BMPER: variants seen among roughly 807,000 people sequenced by gnomAD.
BMPER encodes BMP binding endothelial regulator, also known as BMP-binding endothelial regulator protein.
A neutral mutation model predicts 87.3 loss-of-function variants in BMPER; 45 were observed. That is an observed-to-expected ratio of 0.52 (90% CI 0.41 to 0.66). The LOEUF (loss-of-function observed/expected upper bound fraction) is 0.66. BMPER is among the 30% of genes least tolerant of loss of function. The pLI, the probability that BMPER is intolerant of heterozygous loss-of-function variation, is 0.00. For missense variants in BMPER, 784 were observed against 867.5 expected (o/e 0.90, Z 1.21); for synonymous variants, 326 against 316.2 (o/e 1.03, Z -0.33).
intron 11 of BMPER, among the ~76,000 whole-genome samples, chr7:34,062,428 C>G (rs1479973135): frequency 6.6e-6 from 1 of 152,136 alleles, no homozygotes; most frequent in Non-Finnish European, 1.5e-5. Flanking sequence ...TTCCTTCTCC[C>G]ATTATAAAGC....
chr7:34,113,106 A>G (rs1327501839), intron 13 of BMPER, among the ~76,000 whole-genome samples: 4 of 151,876 alleles, frequency 2.6e-5, no homozygotes, highest in African/African-American at 9.7e-5. Flanking sequence ...CTGCCAACAC[A>G]TTTTCATTAA....
chr7:33,957,689 A>C (rs1228318370), intron 3 of BMPER, among the ~76,000 whole-genome samples: 1 of 152,178 alleles, frequency 6.6e-6, no homozygotes, highest in African/African-American at 2.4e-5. Flanking sequence ...GTTATACAAG[A>C]GTTAACACTG....
At position 34,056,858 on chromosome 7, in the gene BMPER, C is replaced by T. The variant is rs2127962740; in HGVS notation, c.928-1201C>T. Reference sequence around the variant, plus strand: ...ATCTCGAACTCCCGACCTTGTCGTCCACCCTCCGTGGCCTCCCAAAGTGCT... The same window carrying T: ...ATCTCGAACTCCCGACCTTGTCGTCTACCCTCCGTGGCCTCCCAAAGTGCT... On this transcript the variant is annotated intron_variant, in intron 9 of 14. Coordinates refer to ENST00000649409, the MANE Select transcript of BMPER (RefSeq NM_001365308.1). Among the ~76,000 whole-genome samples the T allele has an allele frequency of 2.0e-5, 3 of 152,272 alleles. 1 individual carries two copies. Among genetic ancestry groups the T allele is most frequent in the Non-Finnish European group, 4.4e-5 (3 of 68,020 alleles).
intron 11 of BMPER, among the ~76,000 whole-genome samples, chr7:34,072,512 A>G (rs1366957576): frequency 3.3e-5 from 5 of 151,968 alleles, no homozygotes; most frequent in Non-Finnish European, 7.4e-5. Flanking sequence ...TCCAGCTTCA[A>G]ACTTGCAAAC....
At chr7:34,061,711 A>G (rs1021234959) in intron 10 of BMPER, among the ~76,000 whole-genome samples, 1 of 152,226 alleles carries the variant, frequency 6.6e-6, no homozygotes, top group South Asian at 2.1e-4. Context: ...GACTGTCTTC[A>G]TCTTCCTTCC....
chr7:34,112,641 C>T (rs1048236921), intron 13 of BMPER, among the ~76,000 whole-genome samples: 1 of 151,138 alleles, frequency 6.6e-6, no homozygotes, highest in Non-Finnish European at 1.5e-5. Context: ...ATTGTGTATA[C>T]TGTTGTAGCA....
chr7:34,021,739 TA>T (rs1425478240), intron 6 of BMPER, among the ~76,000 whole-genome samples: 1 of 152,092 alleles, frequency 6.6e-6, no homozygotes, highest in Non-Finnish European at 1.5e-5. Context: ...ATCTTCTTGA[TA>T]AACCTCATTC....
chr7:34,063,254 T>C (rs1435404027), intron 11 of BMPER, among the ~76,000 whole-genome samples: 1 of 152,182 alleles, frequency 6.6e-6, no homozygotes, highest in Non-Finnish European at 1.5e-5. Flanking sequence ...AAAGCAGCTT[T>C]CACATGGGCA....
chr7:34,047,576 C>T (rs1788009252), intron 7 of BMPER, among the ~76,000 whole-genome samples: 1 of 152,066 alleles, frequency 6.6e-6, no homozygotes, highest in Non-Finnish European at 1.5e-5. Context: ...CATGCCCAGC[C>T]TATGATACCT....
intron 3 of BMPER, among the ~76,000 whole-genome samples, chr7:33,948,729 T>C (rs1784948390): frequency 1.3e-5 from 2 of 152,200 alleles, no homozygotes; most frequent in South Asian, 4.1e-4. Context: ...ATCGTAAGTT[T>C]CCTAAGGCCT....
Position 33,934,666 on chromosome 7 carries a change from G to C in BMPER, c.220-2623G>C, listed in dbSNP as rs187542597. On this transcript the variant is annotated intron_variant, in intron 2 of 14. Coordinates refer to ENST00000649409, the MANE Select transcript of BMPER (RefSeq NM_001365308.1). Reference sequence around the variant, plus strand: ...TGGCTCCCAGGTTTCTAAGTCAGCAGAGTTCCTATATTTAAGCGAATGTGT... The same window carrying C: ...TGGCTCCCAGGTTTCTAAGTCAGCACAGTTCCTATATTTAAGCGAATGTGT... Among the ~76,000 whole-genome samples the C allele has an allele frequency of 4.6e-5, 7 of 152,314 alleles. No homozygotes were observed. In the East Asian group the frequency reaches 1.4e-3, roughly 29 times the overall value.
chr7:34,129,614 G>GAAAGAAAGAA (rs1207633991), intron 13 of BMPER, among the ~76,000 whole-genome samples: 12 of 48,790 alleles, frequency 2.5e-4, no homozygotes, highest in South Asian at 7.8e-4. Flanking sequence ...GAGAGAAAGA[G>GAAAGAAAGAA]AGAGAGAGAG....
intron 3 of BMPER, chr7:33,940,108 A>C (rs1332672776): frequency 6.0e-6 from 1 of 166,146 alleles, no homozygotes; most frequent in African/African-American, 2.4e-5. Flanking sequence ...AGCAGGAAAA[A>C]AATACAGTCT....
chr7:34,093,446 C>A (rs1357965383), intron 13 of BMPER, among the ~76,000 whole-genome samples: 1 of 152,188 alleles, frequency 6.6e-6, no homozygotes, highest in Non-Finnish European at 1.5e-5. Flanking sequence ...TAGCCCAAAG[C>A]CCCATACTAA....
intron 11 of BMPER, among the ~76,000 whole-genome samples, chr7:34,076,193 C>T (rs1788859725): frequency 6.6e-6 from 1 of 152,178 alleles, no homozygotes. Flanking sequence ...TGAGCAAGCT[C>T]AGGCTTCCCC....
chr7:34,059,657 T>A (rs916435976), intron 10 of BMPER, among the ~76,000 whole-genome samples: 1 of 149,978 alleles, frequency 6.7e-6, no homozygotes, highest in African/African-American at 2.5e-5. Context: ...CAGCAGGAGG[T>A]CTTTGGAAGA....
intron 14 of BMPER, among the ~76,000 whole-genome samples, chr7:34,143,932 G>A (rs1038766351): frequency 7.9e-5 from 12 of 152,178 alleles, no homozygotes; most frequent in Non-Finnish European, 1.6e-4. Context: ...CTGACACTGG[G>A]TACTTTCATG....
chr7:34,041,060 A>G (rs1485130395), intron 6 of BMPER, among the ~76,000 whole-genome samples: 1 of 152,198 alleles, frequency 6.6e-6, no homozygotes, highest in African/African-American at 2.4e-5. Context: ...CGCTTTGATT[A>G]TACTTCACAC....
intron 2 of BMPER, among the ~76,000 whole-genome samples, chr7:33,934,469 A>C (rs1307682928): frequency 7.0e-6 from 1 of 143,678 alleles, no homozygotes; most frequent in Non-Finnish European, 1.5e-5. Context: ...GGGGGAAAAA[A>C]CCCACTAAAC....
Sources: allele counts gnomAD v4.1 joint callset (sites outside exome capture counted in the v4.1 genomes callset), GRCh38; gene constraint gnomAD v4.1.1; transcripts MANE v1.5; gene names NCBI Gene and HGNC (gene_info 2026-07-23, HGNC 2026-07-21).